The following KLRG1 variants were observed in gnomAD, a reference collection of about 807,000 sequenced individuals.
KLRG1 encodes the protein killer cell lectin-like receptor subfamily G member 1.
Under a neutral mutation model 21.8 loss-of-function variants are expected in KLRG1, and 16 were observed. The observed-to-expected ratio is 0.73, with a 90% CI of 0.50 to 1.11. The LOEUF is 1.11. KLRG1 is among the 50% of genes most tolerant of loss of function. KLRG1 has a pLI of 0.00. For synonymous variants in KLRG1, 69 were observed against 75.9 expected (o/e 0.91, Z 0.47); for missense variants, 173 against 218.3 (o/e 0.79, Z 1.31).
chr12:9,107,628 G>C, the KLRG1 span: 2 of 1,613,916 alleles, frequency 1.2e-6, no homozygotes, highest in Non-Finnish European at 1.7e-6. Context: ...CCAGGGACAG[G>C]CTTCCCATAT....
At chr12:9,173,055 A>G in the KLRG1 span, among the ~76,000 whole-genome samples, 8 of 152,254 alleles carry the variant, frequency 5.3e-5, no homozygotes, top group African/African-American at 1.9e-4. Context: ...CATTTACTCT[A>G]AAATTGGACA....
chr12:9,200,380 T>C, the KLRG1 span: 16 of 1,607,252 alleles, frequency 1.0e-5, no homozygotes, highest in African/African-American at 2.0e-4. Context: ...CAGACTGTTA[T>C]GTTCACTTTT....
chr12:9,098,554 C>G, the KLRG1 span: 11 of 1,548,534 alleles, frequency 7.1e-6, no homozygotes, highest in Non-Finnish European at 9.6e-6. Flanking sequence ...TTTTTCCTTG[C>G]TCTGAGCCCC....
chr12:9,115,576 A>G, the KLRG1 span: 2 of 546,362 alleles, frequency 3.7e-6, no homozygotes, highest in East Asian at 3.2e-5. Flanking sequence ...TTAGAGCTTC[A>G]GAGAGTTGGG....
At chr12:8,982,699 G>T (rs1034955187) in intron 1 of KLRG1, among the ~76,000 whole-genome samples, 1 of 146,750 alleles carries the variant, frequency 6.8e-6, no homozygotes, top group African/African-American at 2.5e-5. Context: ...AGGCTGGAGT[G>T]CAATGGTGCG....
In KLRG1 at chr12:9,010,676, A is replaced by G. The variant is rs1017772324; in HGVS notation, c.*1139A>G. 1 of 152,236 alleles carries G rather than the reference A, an allele frequency of 6.6e-6. No individual in the cohort carries two copies. The highest frequency in any genetic ancestry group is 2.1e-4 in the South Asian group (1 of 4,832). 9.4% of individuals were successfully genotyped at this position (152,236 alleles called of 1,614,324 possible). ...AAACATGGACTGTATCTTATCTACC[A>G]CTATATCCCAAATACCTAAGATAGT... On this transcript the variant is annotated 3_prime_UTR_variant, in exon 5 of 5. Coordinates refer to ENST00000356986, the MANE Select transcript of KLRG1 (RefSeq NM_005810.4).
At chr12:9,017,264 CAAAAAAAAAAA>C in the KLRG1 span, among the ~76,000 whole-genome samples, 1 of 53,130 alleles carries the variant, frequency 1.9e-5, no homozygotes, top group Admixed American at 2.8e-4. Context: ...AACTCCATCT[CAAAAAAAAAAA>C]AAAAAAAAAA....
the KLRG1 span, among the ~76,000 whole-genome samples, chr12:9,026,786 G>C: frequency 6.6e-6 from 1 of 151,436 alleles, no homozygotes; most frequent in Admixed American, 6.6e-5. Context: ...TATATTATTT[G>C]TTTTCTTAAA....
intron 1 of KLRG1, among the ~76,000 whole-genome samples, chr12:8,969,003 CATT>C (rs1480354114): frequency 6.6e-6 from 1 of 152,122 alleles, no homozygotes; most frequent in Non-Finnish European, 1.5e-5. Context: ...AAATTTATAG[CATT>C]ATTATTTTTT....
chr12:9,104,172 C>T, the KLRG1 span: 5 of 1,495,816 alleles, frequency 3.3e-6, no homozygotes, highest in Non-Finnish European at 3.6e-6. Flanking sequence ...GAAATTTTCT[C>T]ACCCTTAGGT....
chr12:9,051,297 T>G, the KLRG1 span, among the ~76,000 whole-genome samples: 3 of 152,042 alleles, frequency 2.0e-5, no homozygotes, highest in South Asian at 2.1e-4. Flanking sequence ...AGTAACTCTT[T>G]CCAAGAGGCC....
chr12:9,093,680 G>T, the KLRG1 span: 1 of 661,420 alleles, frequency 1.5e-6, no homozygotes, highest in Non-Finnish European at 2.3e-6. Context: ...AAAACAAATC[G>T]TCTGATGAAA....
At chr12:9,154,875 T>A in the KLRG1 span, 3 of 1,556,068 alleles carry the variant, frequency 1.9e-6, no homozygotes, top group East Asian at 6.8e-5. Flanking sequence ...TTGTAACTCA[T>A]CAATAAGTAA....
chr12:8,964,595 A>G (rs1259843964), intron 1 of KLRG1, among the ~76,000 whole-genome samples: 9 of 151,404 alleles, frequency 5.9e-5, no homozygotes, highest in African/African-American at 2.2e-4. Flanking sequence ...TATCCTTGTT[A>G]ACTTTCTGTC....
rs753718944 is a variant in KLRG1 at position 9,001,344 on chromosome 12, A to C, written c.357+6056A>C. Among the ~76,000 whole-genome samples, 5 of 152,316 alleles carry C rather than the reference A, an allele frequency of 3.3e-5. No homozygotes were observed. In the East Asian group the frequency reaches 9.6e-4, roughly 29 times the overall value. On this transcript the variant is annotated intron_variant, in intron 3 of 4. Transcript: ENST00000356986. The stretch of plus-strand genomic sequence containing the variant: ...ATATTATTTTAAAATATGAGACTGT[A>C]GGGTTCCCCAGTGCCTGGCTTTCTT...
At chr12:9,172,737 T>C in the KLRG1 span, among the ~76,000 whole-genome samples, 1 of 152,242 alleles carries the variant, frequency 6.6e-6, no homozygotes, top group East Asian at 1.9e-4. Context: ...AGAAGGGTAG[T>C]ATATAATAGT....
At chr12:9,080,065 C>A in the KLRG1 span, 1 of 1,448,146 alleles carries the variant, frequency 6.9e-7, no homozygotes, top group South Asian at 1.3e-5. Context: ...GCTGTTAATG[C>A]CCGGATCCAC....
chr12:9,052,212 C>T, the KLRG1 span, among the ~76,000 whole-genome samples: 3 of 152,186 alleles, frequency 2.0e-5, no homozygotes, highest in Non-Finnish European at 4.4e-5. Context: ...AATTATAAGT[C>T]TATTGGCTCT....
chr12:9,097,702 C>T, the KLRG1 span, among the ~76,000 whole-genome samples: 5 of 149,880 alleles, frequency 3.3e-5, no homozygotes, highest in Non-Finnish European at 5.9e-5. Context: ...GGCACGATCT[C>T]GGCTCACTCA....
Sources: gnomAD v4.1 joint callset for allele counts (sites outside exome capture counted in the v4.1 genomes callset) on GRCh38, gnomAD v4.1.1 for gene constraint, MANE v1.5 for transcripts, NCBI Gene and HGNC (gene_info 2026-07-23, HGNC 2026-07-21) for gene names.